The following FGFR2 variants were observed in gnomAD, a reference collection of about 807,000 sequenced individuals.
The protein encoded by FGFR2 is fibroblast growth factor receptor 2.
Under a neutral mutation model 95.9 loss-of-function variants are expected in FGFR2, and 19 were observed. The observed-to-expected ratio is 0.20, with a 90% CI of 0.14 to 0.29. The LOEUF (loss-of-function observed/expected upper bound fraction) is 0.29. Ranked by LOEUF, FGFR2 falls within the 10% of genes least tolerant of loss-of-function variation. FGFR2 has a pLI of 1.00. For synonymous variants in FGFR2, 392 were observed against 393.3 expected (o/e 1.00, Z 0.04); for missense variants, 707 against 1,056.9 (o/e 0.67, Z 4.59).
chr10:121,577,980 T>C (rs1171693934), intron 2 of FGFR2, among the ~76,000 whole-genome samples: 1 of 151,760 alleles, frequency 6.6e-6, no homozygotes, highest in Non-Finnish European at 1.5e-5. Context: ...CTCTGATCAG[T>C]CCCCACACCC....
chr10:121,570,817 A>G (rs1401350675), intron 2 of FGFR2, among the ~76,000 whole-genome samples: 1 of 152,230 alleles, frequency 6.6e-6, no homozygotes, highest in African/African-American at 2.4e-5. Context: ...AAAACTGGTA[A>G]ACAAACAAGG....
chr10:121,506,624 C>A (rs986144213), intron 9 of FGFR2, among the ~76,000 whole-genome samples: 1 of 152,138 alleles, frequency 6.6e-6, no homozygotes, highest in African/African-American at 2.4e-5. Flanking sequence ...GGCTTCTGTG[C>A]CTCCTCCCTG....
intron 9 of FGFR2, among the ~76,000 whole-genome samples, chr10:121,506,606 C>T (rs1848323788): frequency 6.6e-6 from 1 of 152,164 alleles, no homozygotes; most frequent in Admixed American, 6.5e-5. Context: ...GAGGCAGAGG[C>T]ATGGCTGGGC....
At position 121,514,478 on chromosome 10, in the gene FGFR2, C is replaced by T. The variant is rs182774991; in HGVS notation, c.1287+639G>A. On this transcript the variant is annotated intron_variant, in intron 9 of 17. Transcript: ENST00000358487. ...GGTTAAAAACAATCTGTTGCTGGTTCCATACAAATATTCTACTAATAAATC... is the reference window on the plus strand; with the variant it reads ...GGTTAAAAACAATCTGTTGCTGGTTTCATACAAATATTCTACTAATAAATC... 3.2e-3 allele frequency among the ~76,000 whole-genome samples: 488 copies of T among 152,228 alleles called. 8 individuals are homozygous for T. Among genetic ancestry groups the T allele is most frequent in the Non-Finnish European group, 8.4e-4 (57 of 68,022 alleles).
At chr10:121,503,203 A>G (rs773345436) in intron 10 of FGFR2, among the ~76,000 whole-genome samples, 1 of 152,204 alleles carries the variant, frequency 6.6e-6, no homozygotes, top group Non-Finnish European at 1.5e-5. Flanking sequence ...CGTAGCCCCA[A>G]CACCACCCAG....
intron 2 of FGFR2, among the ~76,000 whole-genome samples, chr10:121,589,739 T>C (rs977195535): frequency 1.3e-5 from 2 of 152,232 alleles, no homozygotes; most frequent in African/African-American, 4.8e-5. Flanking sequence ...AATGTGTACT[T>C]CATTGTGTAT....
chr10:121,581,025 G>A (rs933116653), intron 2 of FGFR2, among the ~76,000 whole-genome samples: 1 of 152,152 alleles, frequency 6.6e-6, no homozygotes, highest in Non-Finnish European at 1.5e-5. Flanking sequence ...TCCCCTGGCC[G>A]CCCTCCGGCC....
intron 2 of FGFR2, among the ~76,000 whole-genome samples, chr10:121,578,668 G>A (rs1450510358): frequency 1.3e-5 from 2 of 152,260 alleles, no homozygotes; most frequent in Admixed American, 1.3e-4. Context: ...CCAGCACTTT[G>A]GGAGGCCAAG....
intron 5 of FGFR2, among the ~76,000 whole-genome samples, chr10:121,545,808 CAA>C (rs928795529): frequency 2.0e-5 from 3 of 152,096 alleles, no homozygotes; most frequent in Admixed American, 6.5e-5. Context: ...GTGATTATAA[CAA>C]AAGTTTTAAA....
intron 17 of FGFR2, among the ~76,000 whole-genome samples, chr10:121,480,773 T>C (rs1649163): frequency 0.98 from 148,960 of 152,228 alleles, 72,960 homozygotes; most frequent in East Asian, 1. Flanking sequence ...AAAGTGTCCT[T>C]TGCTCCCCAA....
At chr10:121,574,475 GC>G in intron 2 of FGFR2, among the ~76,000 whole-genome samples, 1 of 152,114 alleles carries the variant, frequency 6.6e-6, no homozygotes, top group Admixed American at 6.5e-5. Flanking sequence ...GTTGCAGTGA[GC>G]CCAGATCGCA....
chr10:121,521,491 C>CTTAACT (rs1253155721), intron 6 of FGFR2, among the ~76,000 whole-genome samples: 1 of 150,152 alleles, frequency 6.7e-6, no homozygotes, highest in Non-Finnish European at 1.5e-5. Context: ...GGGCTAAGGA[C>CTTAACT]TTAACTATGC....
intron 6 of FGFR2, among the ~76,000 whole-genome samples, chr10:121,537,446 C>G (rs145772425): frequency 6.6e-6 from 1 of 152,112 alleles, no homozygotes; most frequent in African/African-American, 2.4e-5. Context: ...GTTAATCAAG[C>G]TTTTGGATTA....
intron 13 of FGFR2, among the ~76,000 whole-genome samples, chr10:121,494,094 C>T (rs1352926569): frequency 3.3e-5 from 5 of 151,992 alleles, no homozygotes; most frequent in Non-Finnish European, 7.4e-5. Context: ...CCATTCACCA[C>T]ACAAGCAGCA....
chr10:121,492,158 G>C (rs1408795295), intron 13 of FGFR2, among the ~76,000 whole-genome samples: 1 of 152,188 alleles, frequency 6.6e-6, no homozygotes, highest in Non-Finnish European at 1.5e-5. Flanking sequence ...CCAGGTGACA[G>C]AGTGAGACCC....
At chr10:121,530,944 C>T (rs1205433261) in intron 6 of FGFR2, among the ~76,000 whole-genome samples, 1 of 152,188 alleles carries the variant, frequency 6.6e-6, no homozygotes, top group East Asian at 1.9e-4. Context: ...CCTGAATCTC[C>T]AGGTAACCTC....
chr10:121,501,098 G>A (rs745876824), intron 10 of FGFR2, 151 bp from the exon 11 acceptor site: 80 of 1,052,156 alleles, frequency 7.6e-5, no homozygotes, highest in Middle Eastern at 4.2e-4. Flanking sequence ...GTACACACGC[G>A]CCTGAGTATT....
chr10:121,565,890 C>G lies in FGFR2; in HGVS notation c.110-186G>C, dbSNP rs1205288815. The G allele has an allele frequency of 1.2e-5, 8 of 660,036 alleles. No individual in the cohort carries two copies. The African/African-American group carries it at 1.4e-4, about 12-fold the overall frequency. The allele number at this position is 660,036 out of a possible 1,614,324, so 40.9% of individuals were successfully genotyped here. The stretch of plus-strand genomic sequence containing the variant: ...GTCAGGAAGTATCTGGAAGAGCAAC[C>G]AGAGGATACCCCCAGAAAATCTGTC... On this transcript the variant is annotated intron_variant, in intron 2 of 17. Transcript: ENST00000358487.
intron 16 of FGFR2, 100 bp from the exon 17 acceptor site, chr10:121,483,903 A>G: frequency 1.2e-6 from 1 of 858,064 alleles, no homozygotes; most frequent in Non-Finnish European, 1.9e-6. Context: ...TAAATTAGGA[A>G]AATGCATCAG....
Sources: gnomAD v4.1 joint callset for allele counts (sites outside exome capture counted in the v4.1 genomes callset) on GRCh38, gnomAD v4.1.1 for gene constraint, MANE v1.5 for transcripts, NCBI Gene and HGNC (gene_info 2026-07-23, HGNC 2026-07-21) for gene names.